TRPM3: variants seen among roughly 807,000 people sequenced by gnomAD.
TRPM3 encodes the protein long transient receptor potential channel 3.
TRPM3 carries 77 observed loss-of-function variants against 181.2 expected under a neutral mutation model. The observed-to-expected ratio is 0.42, with a 90% CI of 0.35 to 0.51. The LOEUF is 0.51. Ranked by LOEUF, TRPM3 falls within the 20% of genes least tolerant of loss-of-function variation. The probability of loss-of-function intolerance (pLI) is 0.01; values close to 1 mark genes in which losing one functional copy is unlikely to be tolerated. For missense variants in TRPM3, 1,759 were observed against 2,196.7 expected (o/e 0.80, Z 3.98); for synonymous variants, 745 against 796.4 (o/e 0.94, Z 1.09).
chr9:71,237,842 G>A (rs2081448187), intron 1 of TRPM3, among the ~76,000 whole-genome samples: 1 of 152,166 alleles, frequency 6.6e-6, no homozygotes, highest in Admixed American at 6.5e-5. Context: ...TACCTTACGT[G>A]ACAGAAAACA....
intron 1 of TRPM3, among the ~76,000 whole-genome samples, chr9:70,950,981 T>C (rs538503799): frequency 2.0e-5 from 3 of 152,166 alleles, no homozygotes; most frequent in Admixed American, 2.0e-4. Context: ...GATAGAAATG[T>C]CAAGAAATAA....
chr9:71,384,049 T>C (rs1279717162), intron 1 of TRPM3, among the ~76,000 whole-genome samples: 1 of 152,246 alleles, frequency 6.6e-6, no homozygotes, highest in Non-Finnish European at 1.5e-5. Flanking sequence ...TCCATGACGC[T>C]GTAATAAATC....
chr9:70,958,138 T>C (rs141984681), intron 1 of TRPM3, among the ~76,000 whole-genome samples: 168 of 152,298 alleles, frequency 1.1e-3, no homozygotes, highest in African/African-American at 4.0e-3. Context: ...CTGTGGCTAC[T>C]ATGTGATATC....
At chr9:70,999,299 G>A (rs1185870307) in intron 1 of TRPM3, among the ~76,000 whole-genome samples, 4 of 152,184 alleles carry the variant, frequency 2.6e-5, no homozygotes, top group African/African-American at 9.7e-5. Flanking sequence ...GAATGGGGTG[G>A]TTTCTGGACA....
In TRPM3 at chr9:71,071,625, G is replaced by A. The variant is rs77038135; in HGVS notation, c.177+49553C>T. Among the ~76,000 whole-genome samples the A allele has an allele frequency of 4.9e-3, 748 of 152,294 alleles. 16 individuals carry two copies. In the East Asian group the frequency reaches 0.077, roughly 16 times the overall value. ...TTCCTAATTATGCAAGACCAAATTA[G>A]TGCATTCTAGCAATCTTTGTCCACT... is the stretch of plus-strand genomic sequence containing the variant. On this transcript the variant is annotated intron_variant, in intron 1 of 25. Coordinates refer to ENST00000677713, the MANE Select transcript of TRPM3 (RefSeq NM_001366145.2).
chr9:71,358,091 A>G (rs893302332), intron 1 of TRPM3, among the ~76,000 whole-genome samples: 2 of 152,188 alleles, frequency 1.3e-5, no homozygotes, highest in Admixed American at 6.5e-5. Context: ...AAAAGAACCT[A>G]CATACTGACT....
chr9:70,775,646 C>T (rs2081211214), intron 7 of TRPM3: 2 of 152,098 alleles, frequency 1.3e-5, no homozygotes, highest in Admixed American at 1.3e-4. Context: ...AGAAAGGAGG[C>T]CCTAGGAAAA....
rs549962367 is a variant in TRPM3 at position 70,886,510 on chromosome 9, A to G, written c.178-21999T>C. Among the ~76,000 whole-genome samples, 4 of 152,266 alleles carry G rather than the reference A, an allele frequency of 2.6e-5. No individual in the cohort carries two copies. The South Asian group carries it at 8.3e-4, about 32-fold the overall frequency. On this transcript the variant is annotated intron_variant, in intron 1 of 25. Coordinates refer to ENST00000677713, the MANE Select transcript of TRPM3 (RefSeq NM_001366145.2). ...TCTTAACCCCGGGTCTACAGTGCTT[A>G]CTTCTACCACCTTTGCTGCCCTGAA...
At chr9:70,826,998 TAAAAC>T (rs1412471385) in intron 6 of TRPM3, 3 of 152,244 alleles carry the variant, frequency 2.0e-5, no homozygotes, top group African/African-American at 7.2e-5. Context: ...CTTTCACAGT[TAAAAC>T]AAATGTTTAC....
chr9:70,751,154 A>T (rs1360993984), intron 8 of TRPM3, among the ~76,000 whole-genome samples: 1 of 152,138 alleles, frequency 6.6e-6, no homozygotes, highest in African/African-American at 2.4e-5. Context: ...TTAAAAACAA[A>T]AGCTATATAT....
chr9:70,630,174 C>T (rs1360384271), intron 12 of TRPM3, among the ~76,000 whole-genome samples: 1 of 152,334 alleles, frequency 6.6e-6, no homozygotes, highest in African/African-American at 2.4e-5. Flanking sequence ...CTGGGTTGGG[C>T]CATGGTCCTG....
At chr9:70,966,822 A>C (rs988123439) in intron 1 of TRPM3, among the ~76,000 whole-genome samples, 2 of 152,080 alleles carry the variant, frequency 1.3e-5, no homozygotes, top group African/African-American at 4.8e-5. Flanking sequence ...TAATCTGTAC[A>C]ACAAATCTCC....
chr9:71,051,470 T>C (rs2060048644), intron 1 of TRPM3, among the ~76,000 whole-genome samples: 1 of 152,100 alleles, frequency 6.6e-6, no homozygotes. Context: ...AAGTAGTCAG[T>C]TATGGAGCTG....
At chr9:70,923,946 A>AGTG (rs2096691832) in intron 1 of TRPM3, among the ~76,000 whole-genome samples, 1 of 150,458 alleles carries the variant, frequency 6.6e-6, no homozygotes, top group African/African-American at 2.4e-5. Context: ...ACATATATAT[A>AGTG]TACACACACA....
chr9:70,581,747 C>T (rs192673571), intron 22 of TRPM3, among the ~76,000 whole-genome samples: 187 of 152,274 alleles, frequency 1.2e-3, no homozygotes, highest in Middle Eastern at 0.01. Context: ...TGGCAACCAC[C>T]GCCGGCATGG....
intron 1 of TRPM3, among the ~76,000 whole-genome samples, chr9:71,440,101 T>A (rs2309925): frequency 2.0e-5 from 3 of 152,058 alleles, no homozygotes; most frequent in South Asian, 2.1e-4. Context: ...CCAGCCTGGG[T>A]GACACAATGA....
chr9:70,952,392 T>G (rs1324871569), intron 1 of TRPM3, among the ~76,000 whole-genome samples: 1 of 152,174 alleles, frequency 6.6e-6, no homozygotes, highest in East Asian at 1.9e-4. Context: ...AAAAAGTTGT[T>G]CATATTACAT....
intron 1 of TRPM3, among the ~76,000 whole-genome samples, chr9:71,031,998 T>G (rs1487934814): frequency 0.32 from 161 of 510 alleles, 2 homozygotes; most frequent in East Asian, 0.51. Flanking sequence ...TATATATATA[T>G]AATTATATAA....
intron 1 of TRPM3, among the ~76,000 whole-genome samples, chr9:71,379,391 G>C (rs908268980): frequency 2.2e-4 from 33 of 152,026 alleles, no homozygotes; most frequent in African/African-American, 7.7e-4. Flanking sequence ...CTTTAGCATA[G>C]TCAATTGACT....
Sources: allele counts gnomAD v4.1 joint callset (sites outside exome capture counted in the v4.1 genomes callset), GRCh38; gene constraint gnomAD v4.1.1; transcripts MANE v1.5; gene names NCBI Gene and HGNC (gene_info 2026-07-23, HGNC 2026-07-21).